The following MEMO1 variants were observed in gnomAD, a reference collection of about 807,000 sequenced individuals.
MEMO1 encodes the protein mediator of cell motility 1, also known as protein MEMO1.
Under a neutral mutation model 45.2 loss-of-function variants are expected in MEMO1, and 6 were observed. That is an observed-to-expected ratio of 0.13 (90% CI 0.07 to 0.26). MEMO1 has a LOEUF of 0.26. MEMO1 is among the 10% of genes least tolerant of loss of function. MEMO1 has a pLI of 1.00. For missense variants in MEMO1, 184 were observed against 370.5 expected (o/e 0.50, Z 4.13); for synonymous variants, 78 against 124.3 (o/e 0.63, Z 2.48).
intron 2 of MEMO1, among the ~76,000 whole-genome samples, chr2:31,999,951 T>C (rs1386019535): frequency 3.4e-5 from 5 of 149,162 alleles, no homozygotes; most frequent in African/African-American, 7.4e-5. Context: ...TGGTGAAACA[T>C]GGTTCACTGC....
At chr2:31,951,168 C>T (rs1666801253) in intron 2 of MEMO1, among the ~76,000 whole-genome samples, 1 of 152,124 alleles carries the variant, frequency 6.6e-6, no homozygotes, top group South Asian at 2.1e-4. Context: ...TTGACTGAAA[C>T]ATCAAAGGGG....
rs1173410708 is a variant in MEMO1 at position 31,932,367 on chromosome 2, G to A, written c.144-232C>T. On this transcript the variant is annotated intron_variant, in intron 3 of 9. Coordinates refer to ENST00000404530, the MANE Select transcript of MEMO1 (RefSeq NM_001301833.4). ...AATACTTTGTAATTTTTTTTTGTCTGAAAGACAAATTTAGAGGTGTTCAAG... is the reference window on the plus strand; with the variant it reads ...AATACTTTGTAATTTTTTTTTGTCTAAAAGACAAATTTAGAGGTGTTCAAG... 2.6e-5 allele frequency among the ~76,000 whole-genome samples: 4 copies of A among 151,726 alleles called. No individual in the cohort carries two copies. In the East Asian group the frequency reaches 7.7e-4, roughly 29 times the overall value.
chr2:31,956,125 G>T (rs1039492190), intron 2 of MEMO1, among the ~76,000 whole-genome samples: 7 of 152,050 alleles, frequency 4.6e-5, no homozygotes, highest in African/African-American at 1.7e-4. Flanking sequence ...AAACAGAAAT[G>T]ATTATTTCCT....
intron 8 of MEMO1, among the ~76,000 whole-genome samples, chr2:31,879,189 A>G (rs1286490309): frequency 6.6e-6 from 1 of 152,176 alleles, no homozygotes; most frequent in African/African-American, 2.4e-5. Context: ...TTTAGATTCT[A>G]AGCTGATTCC....
chr2:31,904,963 A>G (rs72859088), intron 6 of MEMO1, among the ~76,000 whole-genome samples: 19,981 of 152,214 alleles, frequency 0.13, 1,477 homozygotes, highest in Middle Eastern at 0.21. Context: ...GCTGGGCGCA[A>G]TGGCTCATGC....
chr2:31,957,464 C>T (rs1256304753), intron 2 of MEMO1, among the ~76,000 whole-genome samples: 1 of 152,068 alleles, frequency 6.6e-6, no homozygotes. Context: ...ATGCATAAAA[C>T]CAAACTTTTA....
chr2:31,933,349 ATTT>A (rs1456013045), intron 3 of MEMO1, among the ~76,000 whole-genome samples: 3,249 of 19,158 alleles, frequency 0.17, 301 homozygotes, highest in Middle Eastern at 0.2. Flanking sequence ...AAAAAAAAAA[ATTT>A]ATATATATAT....
At chr2:31,932,046 A>G in intron 4 of MEMO1, 21 bp downstream of exon 4, 1 of 1,605,242 alleles carries the variant, frequency 6.2e-7, no homozygotes, top group Non-Finnish European at 8.5e-7. Flanking sequence ...CTCCGACTTA[A>G]AACAAAACTA....
intron 2 of MEMO1, among the ~76,000 whole-genome samples, chr2:31,986,046 C>T (rs970836886): frequency 1.3e-5 from 2 of 152,110 alleles, no homozygotes; most frequent in Admixed American, 1.3e-4. Flanking sequence ...ACAGATGGAA[C>T]TCCCTGTTCT....
At chr2:31,928,853 C>G (rs1478776143) in intron 4 of MEMO1, among the ~76,000 whole-genome samples, 1 of 152,086 alleles carries the variant, frequency 6.6e-6, no homozygotes, top group Non-Finnish European at 1.5e-5. Context: ...AGTCAATGCA[C>G]TATCAGAAAC....
chr2:31,955,646 T>C (rs1023799382), intron 2 of MEMO1, among the ~76,000 whole-genome samples: 2 of 152,222 alleles, frequency 1.3e-5, no homozygotes, highest in Non-Finnish European at 2.9e-5. Flanking sequence ...TTTGCTCTTC[T>C]TGCCCAGGCT....
chr2:31,896,893 A>C (rs1460216842), intron 6 of MEMO1, among the ~76,000 whole-genome samples: 3 of 152,194 alleles, frequency 2.0e-5, no homozygotes, highest in African/African-American at 7.2e-5. Context: ...TAATCAGCAC[A>C]TAAAAATTGC....
chr2:31,891,939 T>C, intron 7 of MEMO1, 53 bp downstream of exon 7: 1 of 1,516,520 alleles, frequency 6.6e-7, no homozygotes, highest in Non-Finnish European at 8.9e-7. Context: ...AAAAGATACC[T>C]TTAACCAGAA....
intron 3 of MEMO1, among the ~76,000 whole-genome samples, chr2:31,935,708 T>C (rs570328169): frequency 6.6e-6 from 1 of 152,290 alleles, no homozygotes; most frequent in South Asian, 2.1e-4. Flanking sequence ...ATCAGAATAA[T>C]GACAATCAAA....
intron 2 of MEMO1, among the ~76,000 whole-genome samples, chr2:32,008,740 T>C (rs1478568811): frequency 2.6e-5 from 4 of 152,246 alleles, no homozygotes; most frequent in Non-Finnish European, 5.9e-5. Flanking sequence ...TCATATTTGC[T>C]TAATGCAAAA....
chr2:31,897,366 CTCTTA>C (rs1410479246), intron 6 of MEMO1, among the ~76,000 whole-genome samples: 1 of 152,134 alleles, frequency 6.6e-6, no homozygotes, highest in Non-Finnish European at 1.5e-5. Flanking sequence ...TCATAAATAG[CTCTTA>C]TTATTATGAG....
intron 2 of MEMO1, among the ~76,000 whole-genome samples, chr2:32,004,644 C>T (rs1361747394): frequency 6.6e-6 from 1 of 152,106 alleles, no homozygotes; most frequent in Non-Finnish European, 1.5e-5. Flanking sequence ...CACATGGGGC[C>T]GGGCACAGTG....
rs144981152 is a variant in MEMO1 at position 31,950,138 on chromosome 2, T to C, written c.62-6755A>G. On this transcript the variant is annotated intron_variant, in intron 2 of 9. Coordinates refer to ENST00000404530, the MANE Select transcript of MEMO1 (RefSeq NM_001301833.4). The stretch of plus-strand genomic sequence containing the variant: ...GCTCACGCCTGTAATCCCAACACTT[T>C]GGGAAGCCACGGCAGATGGATCACC... Among the ~76,000 whole-genome samples, 751 of 152,238 alleles carry C rather than the reference T, an allele frequency of 4.9e-3. 5 individuals carry two copies. The highest frequency in any genetic ancestry group is 0.017 in the African/African-American group (688 of 41,554).
At chr2:31,936,819 A>G (rs923548444) in intron 3 of MEMO1, among the ~76,000 whole-genome samples, 8 of 152,228 alleles carry the variant, frequency 5.3e-5, no homozygotes, top group African/African-American at 1.9e-4. Flanking sequence ...ATAAAGGAAT[A>G]CTTAACTAAG....
Sources: gnomAD v4.1 joint callset for allele counts (sites outside exome capture counted in the v4.1 genomes callset) on GRCh38, gnomAD v4.1.1 for gene constraint, MANE v1.5 for transcripts, NCBI Gene and HGNC (gene_info 2026-07-23, HGNC 2026-07-21) for gene names.